The following ZFPM2 variants were observed in gnomAD, a reference collection of about 807,000 sequenced individuals.
ZFPM2 encodes zinc finger protein ZFPM2.
A neutral mutation model predicts 98.6 loss-of-function variants in ZFPM2; 20 were observed. The observed-to-expected ratio is 0.20, with a 90% CI of 0.14 to 0.29. The LOEUF is 0.29. Ranked by LOEUF, ZFPM2 falls within the 10% of genes least tolerant of loss-of-function variation. ZFPM2 has a pLI of 1.00. For synonymous variants in ZFPM2, 518 were observed against 502.7 expected, an observed-to-expected ratio of 1.03 and a Z score of -0.41; for missense variants, 1,310 against 1,388.6, an observed-to-expected ratio of 0.94 and a Z score of 0.90.
chr8:105,553,778 G>T (rs1177378271), intron 3 of ZFPM2, among the ~76,000 whole-genome samples: 2 of 152,110 alleles, frequency 1.3e-5, no homozygotes, highest in East Asian at 3.9e-4. Flanking sequence ...AGTTACATAT[G>T]GCTAAGATCA....
intron 3 of ZFPM2, among the ~76,000 whole-genome samples, chr8:105,496,982 C>CA (rs1207276670): frequency 0.016 from 508 of 31,412 alleles, 11 homozygotes; most frequent in Admixed American, 0.046. Flanking sequence ...AACTCCGTCT[C>CA]AAAAAAAAAA....
intron 3 of ZFPM2, among the ~76,000 whole-genome samples, chr8:105,496,673 GTTT>G (rs35067278): frequency 7.8e-6 from 1 of 128,384 alleles, no homozygotes. Flanking sequence ...TGTTTTTTTG[GTTT>G]TTTTTTTTTT....
At chr8:105,746,197 C>T (rs1172822119) in intron 5 of ZFPM2, among the ~76,000 whole-genome samples, 1 of 151,598 alleles carries the variant, frequency 6.6e-6, no homozygotes, top group Non-Finnish European at 1.5e-5. Flanking sequence ...AGTCTTAGAG[C>T]CCCACTACAA....
chr8:105,663,521 C>T (rs1481387583), intron 5 of ZFPM2, among the ~76,000 whole-genome samples: 1 of 152,134 alleles, frequency 6.6e-6, no homozygotes, highest in Non-Finnish European at 1.5e-5. Context: ...TCTTATGGGG[C>T]TTACAGTTCA....
At chr8:105,793,422 C>T (rs1813687176) in intron 6 of ZFPM2, among the ~76,000 whole-genome samples, 1 of 152,192 alleles carries the variant, frequency 6.6e-6, no homozygotes, top group Non-Finnish European at 1.5e-5. Context: ...CTCCCACTCT[C>T]TTCTGGCTTG....
chr8:105,380,059 C>A (rs752896255), intron 1 of ZFPM2, among the ~76,000 whole-genome samples: 5 of 152,250 alleles, frequency 3.3e-5, no homozygotes, highest in Middle Eastern at 6.8e-3. Flanking sequence ...AATGTAGGCT[C>A]ACTCTCATCT....
At chr8:105,350,254 C>G (rs1338665908) in intron 1 of ZFPM2, among the ~76,000 whole-genome samples, 1 of 152,146 alleles carries the variant, frequency 6.6e-6, no homozygotes, top group African/African-American at 2.4e-5. Context: ...TAAAGGCAGC[C>G]ACCTTCGGAG....
chr8:105,579,222 A>G (rs1815533640), intron 4 of ZFPM2, among the ~76,000 whole-genome samples: 1 of 152,126 alleles, frequency 6.6e-6, no homozygotes, highest in Non-Finnish European at 1.5e-5. Context: ...TTTTTTCTGC[A>G]AAGAGGACAT....
Position 105,343,387 on chromosome 8 carries a change from A to AC in ZFPM2, c.40+24411dup, listed in dbSNP as rs547338479. On this transcript the variant is annotated intron_variant, in intron 1 of 7. Transcript: ENST00000407775. Reference sequence around the variant, plus strand: ...AAAACTCAAGTATGTCTGGAGGTGAACCCCCAGGATAACAGTCAGGCAGTA... The same window carrying AC: ...AAAACTCAAGTATGTCTGGAGGTGAACCCCCCAGGATAACAGTCAGGCAGTA... Among the ~76,000 whole-genome samples the AC allele has an allele frequency of 2.3e-3, 344 of 152,190 alleles. 3 individuals carry two copies. Among genetic ancestry groups the AC allele is most frequent in the African/African-American group, 7.9e-3 (330 of 41,542 alleles).
chr8:105,658,586 C>CAAAAAAAAAAAAAAA (rs773181953), intron 5 of ZFPM2, among the ~76,000 whole-genome samples: 7 of 7,904 alleles, frequency 8.9e-4, no homozygotes, highest in Non-Finnish European at 1.2e-3. Context: ...GACTCCGTCT[C>CAAAAAAAAAAAAAAA]AAAAAAAAAA....
intron 3 of ZFPM2, among the ~76,000 whole-genome samples, chr8:105,460,071 A>G (rs140170679): frequency 6.6e-5 from 10 of 152,256 alleles, no homozygotes; most frequent in South Asian, 6.2e-4. Context: ...GGAAAGAATG[A>G]CTAAGCTGAG....
chr8:105,709,319 C>T (rs1462283764), intron 5 of ZFPM2, among the ~76,000 whole-genome samples: 2 of 152,010 alleles, frequency 1.3e-5, no homozygotes, highest in East Asian at 3.9e-4. Flanking sequence ...TATTTTTGTC[C>T]AGTTTTATTA....
chr8:105,720,939 C>T (rs1288631674), intron 5 of ZFPM2, among the ~76,000 whole-genome samples: 6 of 151,664 alleles, frequency 4.0e-5, no homozygotes, highest in South Asian at 2.1e-4. Context: ...TTGGGCCTTT[C>T]GTTGTGTAAA....
chr8:105,459,476 G>T (rs889092964), intron 3 of ZFPM2, among the ~76,000 whole-genome samples: 6 of 152,146 alleles, frequency 3.9e-5, no homozygotes, highest in African/African-American at 1.2e-4. Context: ...CCCCCAATTT[G>T]GGGTATGTAT....
At chr8:105,512,876 A>G (rs1258203364) in intron 3 of ZFPM2, among the ~76,000 whole-genome samples, 1 of 151,790 alleles carries the variant, frequency 6.6e-6, no homozygotes, top group Non-Finnish European at 1.5e-5. Flanking sequence ...AAATACATGT[A>G]TGTATATGTG....
intron 3 of ZFPM2, among the ~76,000 whole-genome samples, chr8:105,473,416 A>G (rs1006564192): frequency 3.3e-5 from 5 of 152,182 alleles, no homozygotes; most frequent in Non-Finnish European, 7.3e-5. Context: ...AACATTTTTC[A>G]TGTTTATACC....
intron 4 of ZFPM2, among the ~76,000 whole-genome samples, chr8:105,572,253 G>T (rs1815373535): frequency 1.3e-5 from 2 of 151,904 alleles, no homozygotes; most frequent in African/African-American, 4.8e-5. Context: ...TAGCCAGGAT[G>T]GTCTCGATCT....
At chr8:105,395,880 T>C (rs1400136448) in intron 1 of ZFPM2, among the ~76,000 whole-genome samples, 1 of 152,226 alleles carries the variant, frequency 6.6e-6, no homozygotes, top group Non-Finnish European at 1.5e-5. Flanking sequence ...GTCCGCCTTC[T>C]ACTCTATCCT....
At chr8:105,493,366 A>G (rs1196502427) in intron 3 of ZFPM2, among the ~76,000 whole-genome samples, 4 of 152,236 alleles carry the variant, frequency 2.6e-5, no homozygotes, top group African/African-American at 9.6e-5. Flanking sequence ...TTGGAAAAGC[A>G]GGTATTTGAA....
Sources: gnomAD v4.1 joint callset for allele counts (sites outside exome capture counted in the v4.1 genomes callset) on GRCh38, gnomAD v4.1.1 for gene constraint, MANE v1.5 for transcripts, NCBI Gene and HGNC (gene_info 2026-07-23, HGNC 2026-07-21) for gene names.